KCNMA1: variants seen among roughly 807,000 people sequenced by gnomAD.
The protein encoded by KCNMA1 is potassium calcium-activated channel subfamily M alpha 1, also known as Calcium-activated potassium channel subunit alpha-1.
Under a neutral mutation model 140.0 loss-of-function variants are expected in KCNMA1, and 29 were observed. That is an observed-to-expected ratio of 0.21 (90% CI 0.15 to 0.28). The LOEUF (loss-of-function observed/expected upper bound fraction) is 0.28, where lower values mean the gene tolerates loss of function less well. Ranked by LOEUF, KCNMA1 falls within the 10% of genes least tolerant of loss-of-function variation. The pLI is 1.00. For synonymous variants in KCNMA1, 612 were observed against 611.9 expected (o/e 1.00, Z 0.00); for missense variants, 880 against 1,602.2 (o/e 0.55, Z 7.70).
At chr10:77,446,391 C>T (rs1189869002) in intron 1 of KCNMA1, among the ~76,000 whole-genome samples, 2 of 152,198 alleles carry the variant, frequency 1.3e-5, no homozygotes, top group African/African-American at 4.8e-5. Flanking sequence ...GATGCCAGTC[C>T]AAGAGCTAGA....
At chr10:76,973,591 G>A (rs1053698957) in intron 19 of KCNMA1, among the ~76,000 whole-genome samples, 1 of 152,156 alleles carries the variant, frequency 6.6e-6, no homozygotes, top group Non-Finnish European at 1.5e-5. Context: ...TCTGAGAATT[G>A]ATTTAAGATG....
At chr10:77,266,667 T>C (rs2063529479) in intron 2 of KCNMA1, among the ~76,000 whole-genome samples, 1 of 152,188 alleles carries the variant, frequency 6.6e-6, no homozygotes. Flanking sequence ...CTAATTACCC[T>C]GAATCTGCTA....
intron 3 of KCNMA1, among the ~76,000 whole-genome samples, chr10:77,219,133 C>G (rs4399276): frequency 0.074 from 11,232 of 152,206 alleles, 505 homozygotes; most frequent in African/African-American, 0.12. Flanking sequence ...GCACAGCAGC[C>G]ATGCCTCCAG....
intron 14 of KCNMA1, among the ~76,000 whole-genome samples, chr10:77,064,889 ACCAG>A (rs2095872119): frequency 6.6e-6 from 1 of 152,224 alleles, no homozygotes. Flanking sequence ...ACCAAATCTA[ACCAG>A]CCTCTGCACA....
chr10:77,268,148 T>C (rs2063920205), intron 2 of KCNMA1, among the ~76,000 whole-genome samples: 1 of 152,194 alleles, frequency 6.6e-6, no homozygotes, highest in African/African-American at 2.4e-5. Flanking sequence ...TAATACATCC[T>C]GACACACTGG....
At chr10:76,914,317 A>C in intron 24 of KCNMA1, 1 of 589,262 alleles carries the variant, frequency 1.7e-6, no homozygotes, top group Non-Finnish European at 3.0e-6. Flanking sequence ...ACTAATGGTA[A>C]CAGGGAGTGC....
At chr10:77,172,079 G>A (rs559345651) in intron 5 of KCNMA1, among the ~76,000 whole-genome samples, 6 of 152,262 alleles carry the variant, frequency 3.9e-5, no homozygotes, top group African/African-American at 1.4e-4. Context: ...GCTGGTTTCA[G>A]GTGTTCATTT....
At chr10:77,190,910 G>A (rs1471258007) in intron 3 of KCNMA1, among the ~76,000 whole-genome samples, 1 of 152,064 alleles carries the variant, frequency 6.6e-6, no homozygotes, top group East Asian at 1.9e-4. Context: ...TCCTATTCTA[G>A]GAGAACAAGG....
At chr10:77,448,369 A>G (rs1048506843) in intron 1 of KCNMA1, among the ~76,000 whole-genome samples, 1 of 152,212 alleles carries the variant, frequency 6.6e-6, no homozygotes, top group Non-Finnish European at 1.5e-5. Context: ...TCTGCTGGGT[A>G]CACATGACAC....
intron 1 of KCNMA1, among the ~76,000 whole-genome samples, chr10:77,422,313 T>C (rs933079562): frequency 2.0e-5 from 3 of 152,274 alleles, no homozygotes; most frequent in South Asian, 2.1e-4. Context: ...TAGGCTTAGG[T>C]TGGAGCATAA....
intron 19 of KCNMA1, among the ~76,000 whole-genome samples, chr10:76,992,689 C>T (rs2083130364): frequency 6.6e-6 from 1 of 152,124 alleles, no homozygotes; most frequent in Non-Finnish European, 1.5e-5. Flanking sequence ...TTAATGACCC[C>T]CTGAGGTCAA....
At chr10:77,602,520 C>T (rs1482437078) in intron 1 of KCNMA1, among the ~76,000 whole-genome samples, 1 of 152,094 alleles carries the variant, frequency 6.6e-6, no homozygotes, top group African/African-American at 2.4e-5. Context: ...TACTAAAAAC[C>T]ACTGCAAATG....
At chr10:77,547,539 A>ACCT (rs1243107996) in intron 1 of KCNMA1, among the ~76,000 whole-genome samples, 3 of 152,204 alleles carry the variant, frequency 2.0e-5, no homozygotes, top group Non-Finnish European at 4.4e-5. Context: ...AACCGGGCCC[A>ACCT]CCTCTGTGTG....
chr10:77,317,233 C>T (rs1032280241), intron 2 of KCNMA1, among the ~76,000 whole-genome samples: 29 of 152,274 alleles, frequency 1.9e-4, no homozygotes, highest in Admixed American at 1.8e-3. Flanking sequence ...CAGGTGACCA[C>T]CTGACTCACC....
chr10:77,311,344 G>A (rs554568976), intron 2 of KCNMA1, among the ~76,000 whole-genome samples: 4 of 152,228 alleles, frequency 2.6e-5, no homozygotes, highest in East Asian at 3.9e-4. Context: ...AGCCAGTTGG[G>A]GAGAGCGAAC....
intron 1 of KCNMA1, chr10:77,636,531 C>T (rs968103204): frequency 6.5e-7 from 1 of 1,536,198 alleles, no homozygotes; most frequent in Non-Finnish European, 8.7e-7. Context: ...GGCAAAGGAA[C>T]AGAGGCCGAA....
At chr10:77,073,066 G>A in intron 14 of KCNMA1, 31 bp downstream of exon 14, 1 of 1,607,606 alleles carries the variant, frequency 6.2e-7, no homozygotes, top group South Asian at 1.1e-5. Flanking sequence ...GGAATCCCGA[G>A]CTAATGTGCT....
intron 3 of KCNMA1, among the ~76,000 whole-genome samples, chr10:77,195,068 G>A (rs916870499): frequency 2.0e-5 from 3 of 152,074 alleles, no homozygotes; most frequent in Non-Finnish European, 4.4e-5. Context: ...TGTTGTTGTT[G>A]TTGAGGATTT....
chr10:76,947,324 T>C (rs546556672), intron 22 of KCNMA1, among the ~76,000 whole-genome samples: 3 of 151,026 alleles, frequency 2.0e-5, no homozygotes, highest in Admixed American at 2.0e-4. Context: ...GCAGCAAGAG[T>C]GAAACTTGGA....
Sources: gnomAD v4.1 joint callset for allele counts (sites outside exome capture counted in the v4.1 genomes callset) on GRCh38, gnomAD v4.1.1 for gene constraint, MANE v1.5 for transcripts, NCBI Gene and HGNC (gene_info 2026-07-23, HGNC 2026-07-21) for gene names.